ABCA12: variants seen among roughly 807,000 people sequenced by gnomAD.
ABCA12 encodes the protein glucosylceramide transporter ABCA12.
Under a neutral mutation model 293.5 loss-of-function variants are expected in ABCA12, and 156 were observed. That is an observed-to-expected ratio of 0.53 (90% CI 0.47 to 0.61). ABCA12 has a LOEUF of 0.61. ABCA12 is among the 20% of genes least tolerant of loss of function. The pLI is 0.00. For synonymous variants in ABCA12, 1,063 were observed against 1,108.0 expected (o/e 0.96, Z 0.81); for missense variants, 2,797 against 3,090.2 (o/e 0.91, Z 2.25).
At position 214,947,523 on chromosome 2, in the gene ABCA12, T is replaced by G. The variant is rs1559107105; in HGVS notation, c.7138A>C (p.Met2380Leu). The G allele has an allele frequency of 6.2e-7, 1 of 1,613,880 alleles. No individual in the cohort carries two copies. Among genetic ancestry groups the G allele is most frequent in the Non-Finnish European group, 8.5e-7 (1 of 1,179,888 alleles). Reference protein sequence around the residue: ...VHKLLRRLHLMPFKDRATSMC... With the variant: ...VHKLLRRLHLLPFKDRATSMC... ...GAGGTAGCTCTGTCCTTGAAGGGCA[T>G]CAGGTGAAGTCTCCTAAGGAGTTTA... Residue 2380 changes from methionine (M) to leucine (L), a missense_variant, in exon 48 of 53, where the codon ATG (methionine) becomes CTG (leucine). Around this residue, in one of 3 missense-constraint regions of ABCA12, gnomAD observed 2,130 missense variants for 2,427.0 expected, o/e 0.88. Coordinates refer to ENST00000272895, the MANE Select transcript of ABCA12 (RefSeq NM_173076.3).
chr2:214,985,774 T>G (rs1699772209), intron 28 of ABCA12, among the ~76,000 whole-genome samples: 1 of 152,196 alleles, frequency 6.6e-6, no homozygotes, highest in Non-Finnish European at 1.5e-5. Flanking sequence ...AACTGATCCT[T>G]TTTCTCAAAC....
At chr2:215,017,309 T>A (rs556111718) in intron 14 of ABCA12, among the ~76,000 whole-genome samples, 84 of 152,290 alleles carry the variant, frequency 5.5e-4, no homozygotes, top group Admixed American at 9.8e-4. Context: ...ACAATGGACT[T>A]GGAAAAAGAA....
intron 11 of ABCA12, among the ~76,000 whole-genome samples, chr2:215,024,239 T>C (rs547512305): frequency 2.0e-4 from 30 of 152,322 alleles, no homozygotes; most frequent in East Asian, 1.7e-3. Flanking sequence ...TATCCACCTA[T>C]CACAACACTT....
intron 2 of ABCA12, among the ~76,000 whole-genome samples, chr2:215,095,487 A>T (rs1277019771): frequency 6.6e-6 from 1 of 151,992 alleles, no homozygotes; most frequent in Non-Finnish European, 1.5e-5. Flanking sequence ...TCTTACCCCA[A>T]AATCTTTCTT....
chr2:215,049,317 C>G (rs1476545377), intron 6 of ABCA12, among the ~76,000 whole-genome samples: 1 of 152,162 alleles, frequency 6.6e-6, no homozygotes, highest in Admixed American at 6.5e-5. Flanking sequence ...CCTGAGTAAT[C>G]TCACCTAAAG....
At chr2:215,127,483 G>A (rs1399876253) in intron 1 of ABCA12, among the ~76,000 whole-genome samples, 1 of 152,100 alleles carries the variant, frequency 6.6e-6, no homozygotes, top group Non-Finnish European at 1.5e-5. Flanking sequence ...CCAGTGTTAG[G>A]TGCCTATGTG....
chr2:215,138,398 T>C lies in ABCA12; in HGVS notation c.-190A>G, dbSNP rs1386580866. 10 of 642,726 alleles carry C rather than the reference T, an allele frequency of 1.6e-5. No homozygotes were observed. Among genetic ancestry groups the C allele is most frequent in the Non-Finnish European group, 2.8e-5 (10 of 359,156 alleles). The allele number at this position is 642,726 out of a possible 1,614,324, so 39.8% of individuals were successfully genotyped here. On this transcript the variant is annotated 5_prime_UTR_variant, in exon 1 of 53. Coordinates refer to ENST00000272895, the MANE Select transcript of ABCA12 (RefSeq NM_173076.3). ...TGGATTTTTCCCTGTGGTTAATCCT[T>C]AACCAAGAGGCACTTCTCAATCAAC...
chr2:215,075,564 A>G, intron 2 of ABCA12: 1 of 700,180 alleles, frequency 1.4e-6, no homozygotes, highest in African/African-American at 1.8e-5. Context: ...ATGCAGGAAA[A>G]AAAAAAAATC....
intron 51 of ABCA12, among the ~76,000 whole-genome samples, chr2:214,937,210 T>C (rs559055983): frequency 5.3e-4 from 80 of 152,314 alleles, no homozygotes; most frequent in African/African-American, 1.9e-3. Context: ...TTTTTGTTTT[T>C]GTTTTTTAGA....
chr2:215,012,114 G>T lies in ABCA12; in HGVS notation c.1978C>A (p.Gln660Lys). ...TCCATCATCTTTTCTACTGGCTTTT[G>T]ATCTTTCCTCGGGAAAAACACCTAA... ...TYKVFFPRKDQKPVEKMMELF... is the reference protein window; with the variant it reads ...TYKVFFPRKDKKPVEKMMELF... The change falls in exon 16 of 53, where the codon CAA becomes AAA. Residue 660 changes from glutamine to lysine, a missense_variant. Gln to Lys is a moderately conservative substitution (Grantham distance 53). This residue lies in a region of ABCA12 where 2,130 missense variants were observed against 2,427.0 expected (regional missense o/e 0.88). Transcript: ENST00000272895. The T allele has an allele frequency of 6.2e-7, 1 of 1,613,848 alleles. No individual in the cohort carries two copies. The highest frequency in any genetic ancestry group is 8.5e-7 in the Non-Finnish European group (1 of 1,179,892).
At chr2:215,058,484 T>A (rs1701464168) in intron 3 of ABCA12, among the ~76,000 whole-genome samples, 1 of 151,948 alleles carries the variant, frequency 6.6e-6, no homozygotes, top group South Asian at 2.1e-4. Flanking sequence ...TCTAAATAGC[T>A]CCAAGGAAGT....
chr2:215,136,561 T>G (rs1485495061), intron 1 of ABCA12, among the ~76,000 whole-genome samples: 4 of 152,180 alleles, frequency 2.6e-5, no homozygotes, highest in African/African-American at 7.2e-5. Flanking sequence ...TTAGTTCCTC[T>G]GTGTTTTTGT....
At chr2:215,039,558 A>C (rs1383416852) in intron 7 of ABCA12, among the ~76,000 whole-genome samples, 1 of 152,184 alleles carries the variant, frequency 6.6e-6, no homozygotes, top group Non-Finnish European at 1.5e-5. Context: ...GATCGAGACC[A>C]TCCTGGCTAA....
At chr2:215,020,192 C>CCATTAAGAT (rs1302310638) in intron 11 of ABCA12, among the ~76,000 whole-genome samples, 2 of 150,588 alleles carry the variant, frequency 1.3e-5, no homozygotes, top group Admixed American at 6.7e-5. Context: ...TTTCTCACAC[C>CCATTAAGAT]CATTAAGATG....
intron 4 of ABCA12, among the ~76,000 whole-genome samples, chr2:215,053,025 G>C (rs532708217): frequency 2.6e-5 from 4 of 152,070 alleles, no homozygotes; most frequent in African/African-American, 9.6e-5. Context: ...TATCCAATTG[G>C]GACACCGAAA....
intron 2 of ABCA12, among the ~76,000 whole-genome samples, chr2:215,106,803 A>G (rs1379870877): frequency 1.3e-5 from 2 of 151,966 alleles, no homozygotes; most frequent in African/African-American, 2.4e-5. Context: ...GCATTTACCA[A>G]AGCTGTTGAG....
chr2:214,992,311 C>T (rs562480887), intron 23 of ABCA12, among the ~76,000 whole-genome samples: 1 of 151,514 alleles, frequency 6.6e-6, no homozygotes, highest in East Asian at 2.0e-4. Flanking sequence ...GGAGTGGTGG[C>T]GGGCCCCCGT....
intron 2 of ABCA12, among the ~76,000 whole-genome samples, chr2:215,076,314 A>G (rs747097376): frequency 2.0e-5 from 3 of 152,248 alleles, no homozygotes; most frequent in Non-Finnish European, 4.4e-5. Context: ...GAAAAATAGC[A>G]GACAAAAATT....
In ABCA12 at chr2:214,978,838, C is replaced by A. The variant is rs996263108; in HGVS notation, c.4943G>T (p.Gly1648Val). The change falls in exon 32 of 53, where the codon GGG becomes GTG. Residue 1648 changes from glycine (G) to valine (V), a missense_variant. Gly to Val is a moderately radical substitution (Grantham distance 109). Coordinates refer to ENST00000272895, the MANE Select transcript of ABCA12 (RefSeq NM_173076.3). ...GGTGGTATCTGAAATGCCGTAGCAC[C>A]CGATGTTGAGGTCACCCATGCCATT... ...LDNGMGDLNIGCYGISDTTVE... is the reference protein window; with the variant it reads ...LDNGMGDLNIVCYGISDTTVE... The A allele has an allele frequency of 6.2e-7, 1 of 1,613,848 alleles. No homozygotes were observed. The highest frequency in any genetic ancestry group is 8.5e-7 in the Non-Finnish European group (1 of 1,179,958).
Sources: allele counts gnomAD v4.1 joint callset (sites outside exome capture counted in the v4.1 genomes callset), GRCh38; gene constraint gnomAD v4.1.1; regional missense constraint gnomAD v4.1.1; transcripts MANE v1.5; gene names NCBI Gene and HGNC (gene_info 2026-07-23, HGNC 2026-07-21).